The following GTF2A1 variants were observed in gnomAD, a reference collection of about 807,000 sequenced individuals.
The protein encoded by GTF2A1 is general transcription factor IIA subunit 1.
GTF2A1 carries 12 observed loss-of-function variants against 54.1 expected under a neutral mutation model. The observed-to-expected ratio is 0.22, with a 90% CI of 0.14 to 0.36. The LOEUF is 0.36. Ranked by LOEUF, GTF2A1 falls within the 10% of genes least tolerant of loss-of-function variation. The probability of loss-of-function intolerance (pLI) is 1.00; values close to 1 mark genes in which losing one functional copy is unlikely to be tolerated. For missense variants in GTF2A1, 335 were observed against 442.2 expected (o/e 0.76, Z 2.17); for synonymous variants, 145 against 152.0 (o/e 0.95, Z 0.34).
chr14:81,218,252 C>T (rs964047378), intron 1 of GTF2A1, among the ~76,000 whole-genome samples: 3 of 152,146 alleles, frequency 2.0e-5, no homozygotes, highest in African/African-American at 4.8e-5. Flanking sequence ...AAACCTTTTG[C>T]TTGGAGATCC....
intron 4 of GTF2A1, among the ~76,000 whole-genome samples, chr14:81,198,995 C>G (rs1021184169): frequency 1.3e-5 from 2 of 152,000 alleles, no homozygotes; most frequent in South Asian, 4.2e-4. Flanking sequence ...CCGGGTGATT[C>G]GTATTTAAGT....
intron 4 of GTF2A1, 152 bp from the exon 5 acceptor site, chr14:81,197,636 C>A (rs1893019492): frequency 4.0e-6 from 2 of 505,052 alleles, no homozygotes; most frequent in Admixed American, 3.7e-5. Flanking sequence ...TAAAATGGTA[C>A]AAGACTGACC....
At position 81,196,189 on chromosome 14, in the gene GTF2A1, C is replaced by T; in HGVS notation, c.531G>A (p.Gln177=). 1 of 1,614,030 alleles carries T rather than the reference C, an allele frequency of 6.2e-7. No homozygotes were observed. Among genetic ancestry groups the T allele is most frequent in the Admixed American group, 1.7e-5 (1 of 60,022 alleles). ...RAANGAQYIF[Q]PQQSVVLQQQ... ...GTTGTAGAACCACTGACTGCTGAGGCTGAAAGATATATTGGGCACCATTGG... is the reference window on the plus strand; with the variant it reads ...GTTGTAGAACCACTGACTGCTGAGGTTGAAAGATATATTGGGCACCATTGG... The change falls in exon 6 of 9, where the codon CAG becomes CAA. Residue 177 remains glutamine, a synonymous_variant. Coordinates refer to ENST00000553612, the MANE Select transcript of GTF2A1 (RefSeq NM_015859.4).
chr14:81,180,965 C>CAAAATAA (rs1892626459), intron 8 of GTF2A1, among the ~76,000 whole-genome samples: 1 of 152,122 alleles, frequency 6.6e-6, no homozygotes, highest in South Asian at 2.1e-4. Context: ...TTTCTTCTAC[C>CAAAATAA]AAAATAAAAC....
chr14:81,220,358 G>A (rs1309458071), intron 1 of GTF2A1, 131 bp downstream of exon 1: 7 of 327,488 alleles, frequency 2.1e-5, no homozygotes, highest in Non-Finnish European at 3.5e-5. Flanking sequence ...GGCGGGAAGC[G>A]GCGGCGGCGG....
rs1595208093 is a variant in GTF2A1, at chr14:81,185,651, T to C, written c.934-31A>G. ...AATAAAAGGAGAGTTCTTATTACTA[T>C]AAGAAGGCCTTAATATTCACTGAAA... On this transcript the variant is annotated intron_variant, in intron 7 of 8. Coordinates refer to ENST00000553612, the MANE Select transcript of GTF2A1 (RefSeq NM_015859.4). 9 of 1,185,632 alleles carry C rather than the reference T, an allele frequency of 7.6e-6. No homozygotes were observed. In the East Asian group the frequency reaches 9.4e-5, roughly 12 times the overall value. The allele number at this position is 1,185,632 out of a possible 1,614,324, so 73.4% of individuals were successfully genotyped here. A position where few individuals can be genotyped will look rare whatever the true frequency, so the allele number is the denominator to read the frequency against.
chr14:81,214,498 T>A (rs925848749), intron 2 of GTF2A1, among the ~76,000 whole-genome samples: 1 of 152,014 alleles, frequency 6.6e-6, no homozygotes, highest in South Asian at 2.1e-4. Flanking sequence ...ACAAAAAAAT[T>A]AGCCAGGCGT....
chr14:81,205,811 G>C (rs1484583209), intron 2 of GTF2A1, among the ~76,000 whole-genome samples: 1 of 152,190 alleles, frequency 6.6e-6, no homozygotes, highest in Admixed American at 6.5e-5. Context: ...ACTACTTTCT[G>C]AGATCCCATG....
rs1235055223 is a variant in GTF2A1, at chr14:81,178,047, AAAGCAGT to A, written c.*2169_*2175del. 6.6e-6 allele frequency: 1 copy of A among 152,180 alleles called. No individual in the cohort carries two copies. The highest frequency in any genetic ancestry group is 1.9e-4 in the East Asian group (1 of 5,206). 9.4% of individuals were successfully genotyped at this position (152,180 alleles called of 1,614,324 possible). ...CAAAAATAACAAAATAACCACTCTG[AAAGCAGT>A]GGTTGTTAATATTTGAAAAATAAAG... On this transcript the variant is annotated 3_prime_UTR_variant, in exon 9 of 9. Transcript: ENST00000553612.
chr14:81,213,524 G>C (rs976654306), intron 2 of GTF2A1, among the ~76,000 whole-genome samples: 1 of 151,930 alleles, frequency 6.6e-6, no homozygotes, highest in Non-Finnish European at 1.5e-5. Flanking sequence ...TTCTATACAA[G>C]GTCACAAAAC....
At chr14:81,198,196 G>A (rs1005339070) in intron 4 of GTF2A1, among the ~76,000 whole-genome samples, 5 of 152,200 alleles carry the variant, frequency 3.3e-5, no homozygotes, top group African/African-American at 9.6e-5. Context: ...TGTAATCCCA[G>A]CACTTTAGGA....
rs976078389 is a variant in GTF2A1 at position 81,186,099 on chromosome 14, G to A, written c.934-479C>T. Among the ~76,000 whole-genome samples, 178 of 151,152 alleles carry A rather than the reference G, an allele frequency of 1.2e-3. 1 individual carries two copies. Among genetic ancestry groups the A allele is most frequent in the Non-Finnish European group, 2.4e-4 (16 of 67,654 alleles). On this transcript the variant is annotated intron_variant, in intron 7 of 8. Transcript: ENST00000553612. ...ATCTCTTGACCTCGTGATCCACCCC[G>A]CCTAGGCCTCCCAAAGTGCTGGGAT... is the stretch of plus-strand genomic sequence containing the variant.
At chr14:81,207,076 C>A (rs1595225268) in intron 2 of GTF2A1, among the ~76,000 whole-genome samples, 1 of 151,990 alleles carries the variant, frequency 6.6e-6, no homozygotes, top group Admixed American at 6.6e-5. Flanking sequence ...AATATGATAT[C>A]CTCTGCTTAA....
Position 81,211,875 on chromosome 14 carries a change from T to TTATATATATATATATA in GTF2A1, c.132+4522_132+4537dup, listed in dbSNP as rs757044041. 4.7e-3 allele frequency among the ~76,000 whole-genome samples: 321 copies of TTATATATATATATATA among 68,344 alleles called. 7 individuals carry two copies. Among genetic ancestry groups the TTATATATATATATATA allele is most frequent in the African/African-American group, 0.011 (213 of 19,752 alleles). 44.8% of individuals were successfully genotyped at this position (68,344 alleles called of 152,430 possible). A position where few individuals can be genotyped will look rare whatever the true frequency, so the allele number is the denominator to read the frequency against. Reference sequence around the variant, plus strand: ...ACATAATTAGAGTGTATCAAGTACTTTATATATATATATATATATATATAT... The same window carrying TTATATATATATATATA: ...ACATAATTAGAGTGTATCAAGTACTTTATATATATATATATATATATATATATATATATATATATAT... On this transcript the variant is annotated intron_variant, in intron 2 of 8. Coordinates refer to ENST00000553612, the MANE Select transcript of GTF2A1 (RefSeq NM_015859.4).
At chr14:81,209,342 ACTTCCCACTATGATT>A (rs1315991689) in intron 2 of GTF2A1, among the ~76,000 whole-genome samples, 1 of 152,038 alleles carries the variant, frequency 6.6e-6, no homozygotes, top group Non-Finnish European at 1.5e-5. Context: ...AGAGCCTTTC[ACTTCCCACTATGATT>A]CTGAGGCCTC....
chr14:81,200,404 G>A (rs1238492518), intron 4 of GTF2A1, among the ~76,000 whole-genome samples: 3 of 151,984 alleles, frequency 2.0e-5, no homozygotes, highest in Non-Finnish European at 2.9e-5. Context: ...TGGGCAGATC[G>A]CTTGAGGTGA....
At chr14:81,218,233 T>TA (rs894288206) in intron 1 of GTF2A1, among the ~76,000 whole-genome samples, 1 of 152,212 alleles carries the variant, frequency 6.6e-6, no homozygotes, top group African/African-American at 2.4e-5. Flanking sequence ...TGAAGTCAGT[T>TA]ACCTCTAAAA....
At chr14:81,210,551 GT>G (rs781026147) in intron 2 of GTF2A1, among the ~76,000 whole-genome samples, 1 of 151,958 alleles carries the variant, frequency 6.6e-6, no homozygotes, top group Non-Finnish European at 1.5e-5. Flanking sequence ...ACTAACATAC[GT>G]TTTTGTTTTT....
intron 8 of GTF2A1, among the ~76,000 whole-genome samples, chr14:81,185,029 T>C (rs1892713726): frequency 6.6e-6 from 1 of 152,210 alleles, no homozygotes; most frequent in African/African-American, 2.4e-5. Flanking sequence ...TTCCTTAATG[T>C]TAGCAAACTA....
Sources: allele counts gnomAD v4.1 joint callset (sites outside exome capture counted in the v4.1 genomes callset), GRCh38; gene constraint gnomAD v4.1.1; transcripts MANE v1.5; gene names NCBI Gene and HGNC (gene_info 2026-07-23, HGNC 2026-07-21).